CCSER1: variants seen among roughly 807,000 people sequenced by gnomAD.
The protein encoded by CCSER1 is serine-rich coiled-coil domain-containing protein 1.
Under a neutral mutation model 82.0 loss-of-function variants are expected in CCSER1, and 41 were observed. The ratio of observed to expected loss-of-function variants is 0.50; its 90% CI spans 0.39 to 0.65. The LOEUF is 0.65. CCSER1 is among the 30% of genes least tolerant of loss of function. The pLI, the probability that CCSER1 is intolerant of heterozygous loss-of-function variation, is 0.00. For synonymous variants in CCSER1, 414 were observed against 383.9 expected (o/e 1.08, Z -0.92); for missense variants, 1,119 against 1,064.2 (o/e 1.05, Z -0.72).
At chr4:90,850,381 G>A (rs1763731556) in intron 8 of CCSER1, among the ~76,000 whole-genome samples, 1 of 152,150 alleles carries the variant, frequency 6.6e-6, no homozygotes, top group Admixed American at 6.6e-5. Context: ...TCCACCAACA[G>A]CTTGCACCGT....
chr4:90,405,481 C>T (rs1225574805), intron 4 of CCSER1, among the ~76,000 whole-genome samples: 1 of 152,024 alleles, frequency 6.6e-6, no homozygotes, highest in East Asian at 1.9e-4. Flanking sequence ...TGTTAGAGAC[C>T]TATACATCTA....
rs79084883 is a variant in CCSER1 at position 90,147,004 on chromosome 4, C to T, written c.-42+19173C>T. ...GTTTCTTCTAATTGTCTTCAGGCTA[C>T]GACTTGTATTTTGATTATTTTATTT... On this transcript the variant is annotated intron_variant, in intron 1 of 10. Coordinates refer to ENST00000509176, the MANE Select transcript of CCSER1 (RefSeq NM_001145065.2). Among the ~76,000 whole-genome samples, 57 of 152,074 alleles carry T rather than the reference C, an allele frequency of 3.7e-4. No homozygotes were observed. The East Asian group carries it at 9.1e-3, about 24-fold the overall frequency.
At chr4:90,377,902 G>A (rs948789138) in intron 3 of CCSER1, among the ~76,000 whole-genome samples, 1 of 152,068 alleles carries the variant, frequency 6.6e-6, no homozygotes, top group Admixed American at 6.6e-5. Flanking sequence ...TTATTATGAA[G>A]ATGGGGCAAA....
At chr4:90,920,253 T>C (rs1056197526) in intron 8 of CCSER1, among the ~76,000 whole-genome samples, 3 of 113,712 alleles carry the variant, frequency 2.6e-5, no homozygotes, top group African/African-American at 9.7e-5. Context: ...AAGTGAAGGA[T>C]GTATTTAAAT....
intron 10 of CCSER1, among the ~76,000 whole-genome samples, chr4:91,176,436 T>C (rs1733369020): frequency 6.6e-6 from 1 of 152,232 alleles, no homozygotes; most frequent in Non-Finnish European, 1.5e-5. Context: ...TTTCACGATA[T>C]TGATTCTTCC....
At chr4:90,586,005 G>A (rs1452433290) in intron 5 of CCSER1, among the ~76,000 whole-genome samples, 2 of 152,114 alleles carry the variant, frequency 1.3e-5, no homozygotes, top group South Asian at 4.1e-4. Context: ...CTACTTAGAT[G>A]TCCCAGAAGT....
chr4:91,370,251 C>T (rs1749940583), intron 10 of CCSER1, among the ~76,000 whole-genome samples: 1 of 152,032 alleles, frequency 6.6e-6, no homozygotes, highest in Admixed American at 6.6e-5. Context: ...TTGATAGACA[C>T]ATAATACACA....
intron 9 of CCSER1, among the ~76,000 whole-genome samples, chr4:90,924,713 T>G (rs1452151306): frequency 1.3e-5 from 2 of 152,226 alleles, no homozygotes; most frequent in East Asian, 3.9e-4. Flanking sequence ...AAACTTGGTT[T>G]TTTGTTGTTG....
rs561039411 is a variant in CCSER1, at chr4:91,453,738, C to T, written c.2218-144834C>T. ...GCTGAATCTATAGCTGATTTTCTAG[C>T]ATAGTGAGGTGAGTCTATACTAGGC... is the stretch of plus-strand genomic sequence containing the variant. On this transcript the variant is annotated intron_variant, in intron 10 of 10. Transcript: ENST00000509176. Among the ~76,000 whole-genome samples the T allele has an allele frequency of 2.0e-5, 3 of 152,090 alleles. No individual in the cohort carries two copies. In the East Asian group the frequency reaches 5.8e-4, roughly 29 times the overall value.
At chr4:90,795,125 C>T (rs1055428500) in intron 7 of CCSER1, among the ~76,000 whole-genome samples, 1 of 151,954 alleles carries the variant, frequency 6.6e-6, no homozygotes, top group Admixed American at 6.6e-5. Context: ...CCCATCTCTA[C>T]TAAAAATACA....
At chr4:90,491,488 C>T (rs2153604976) in intron 5 of CCSER1, among the ~76,000 whole-genome samples, 1 of 152,256 alleles carries the variant, frequency 6.6e-6, no homozygotes, top group African/African-American at 2.4e-5. Context: ...TTCCTCTTTT[C>T]CTAATTGAAT....
chr4:90,518,246 G>T (rs574930062), intron 5 of CCSER1, among the ~76,000 whole-genome samples: 1 of 152,116 alleles, frequency 6.6e-6, no homozygotes, highest in African/African-American at 2.4e-5. Flanking sequence ...CTTAATTTCA[G>T]CCCTGATCTG....
chr4:91,363,776 C>T (rs1258155771), intron 10 of CCSER1, among the ~76,000 whole-genome samples: 2 of 151,666 alleles, frequency 1.3e-5, no homozygotes, highest in Admixed American at 6.6e-5. Context: ...GATCTTATTA[C>T]TATATTTATT....
chr4:90,154,260 C>G (rs1434815932), intron 1 of CCSER1, among the ~76,000 whole-genome samples: 1 of 152,198 alleles, frequency 6.6e-6, no homozygotes, highest in African/African-American at 2.4e-5. Context: ...GTACCAGTAC[C>G]ATGCTGTTTT....
At chr4:90,916,126 G>A (rs867725974) in intron 8 of CCSER1, among the ~76,000 whole-genome samples, 193 of 152,168 alleles carry the variant, frequency 1.3e-3, no homozygotes, top group African/African-American at 3.7e-3. Context: ...TCCCCATCAA[G>A]CTACCAATGA....
At chr4:91,228,675 T>A (rs1379831466) in intron 10 of CCSER1, among the ~76,000 whole-genome samples, 5 of 152,110 alleles carry the variant, frequency 3.3e-5, no homozygotes, top group Admixed American at 6.6e-5. Flanking sequence ...TAAACACTTT[T>A]GTATTGTTTG....
chr4:90,273,052 G>T (rs1486729578), intron 1 of CCSER1, among the ~76,000 whole-genome samples: 4 of 151,870 alleles, frequency 2.6e-5, no homozygotes, highest in African/African-American at 9.7e-5. Flanking sequence ...ATATCCTGTC[G>T]TGTGTAGCAA....
chr4:90,573,187 A>G (rs1221776700), intron 5 of CCSER1, among the ~76,000 whole-genome samples: 2 of 145,866 alleles, frequency 1.4e-5, no homozygotes, highest in Non-Finnish European at 2.9e-5. Context: ...GGGGCTTGCT[A>G]CAGCAGGCAC....
At chr4:91,192,034 CT>C (rs1443197583) in intron 10 of CCSER1, among the ~76,000 whole-genome samples, 1 of 152,126 alleles carries the variant, frequency 6.6e-6, no homozygotes, top group Non-Finnish European at 1.5e-5. Flanking sequence ...CTGTTTTCTT[CT>C]ACAGCAAATT....
Sources: gnomAD v4.1 joint callset for allele counts (sites outside exome capture counted in the v4.1 genomes callset) on GRCh38, gnomAD v4.1.1 for gene constraint, MANE v1.5 for transcripts, NCBI Gene and HGNC (gene_info 2026-07-23, HGNC 2026-07-21) for gene names.